Variants in SURF6 observed in about 807,000 individuals in gnomAD.
SURF6 encodes surfeit locus protein 6.
A neutral mutation model predicts 37.5 loss-of-function variants in SURF6; 28 were observed. The ratio of observed to expected loss-of-function variants is 0.75; its 90% CI spans 0.55 to 1.02. The LOEUF is 1.02. Among genes scored for constraint, SURF6 ranks in the 50% least tolerant of loss-of-function variants. The probability of loss-of-function intolerance (pLI) is 0.00; values close to 1 mark genes in which losing one functional copy is unlikely to be tolerated. For synonymous variants in SURF6, 248 were observed against 210.9 expected (o/e 1.18, Z -1.52); for missense variants, 560 against 490.5 (o/e 1.14, Z -1.34).
chr9:133,332,761 C>T lies in SURF6; in HGVS notation c.394-1G>A, dbSNP rs1349569266. ...CAGGGGACAGCTCCTTGGCACTGCC[C>T]TGGGGGAAAGAGGCACCCACTCATT... On this transcript the variant is annotated splice_acceptor_variant, in intron 3 of 4. Coordinates refer to ENST00000372022, the MANE Select transcript of SURF6 (RefSeq NM_006753.6). LOFTEE classifies it high-confidence loss of function. 4 of 1,609,734 alleles carry T rather than the reference C, an allele frequency of 2.5e-6. No homozygotes were observed. The East Asian group carries it at 8.9e-5, about 36-fold the overall frequency.
chr9:133,332,392 G>A (rs2129918156), intron 4 of SURF6, 44 bp from the exon 5 acceptor site: 3 of 1,542,414 alleles, frequency 1.9e-6, no homozygotes, highest in Non-Finnish European at 1.7e-6. Flanking sequence ...CCCTGCACTA[G>A]GCCCCAGCCT....
intron 1 of SURF6, among the ~76,000 whole-genome samples, chr9:133,334,803 G>A (rs192677339): frequency 6.6e-6 from 1 of 152,136 alleles, no homozygotes; most frequent in African/African-American, 2.4e-5. Context: ...CAAAGATGAG[G>A]CTTCAAGGAC....
rs2129916245 is a variant in SURF6, at chr9:133,332,202, G to A, written c.753C>T (p.Asp251=). The A allele has an allele frequency of 3.1e-6, 5 of 1,608,356 alleles. No individual in the cohort carries two copies. Among genetic ancestry groups the A allele is most frequent in the South Asian group, 2.2e-5 (2 of 91,082 alleles). ...TCCCCTCATCCTGGCCGCGCAGCTCGTCCAGCCGGCTCTGCCGTGCCTGCA... is the reference window on the plus strand; with the variant it reads ...TCCCCTCATCCTGGCCGCGCAGCTCATCCAGCCGGCTCTGCCGTGCCTGCA... The part of the protein sequence containing the change: ...ERLQARQSRL[D]ELRGQDEGKA... Residue 251 remains aspartate (D), a synonymous_variant, in exon 5 of 5, where the codon GAC becomes GAT. Transcript: ENST00000372022.
Position 133,332,232 on chromosome 9 carries a change from CT to C in SURF6, c.722del (p.Glu241GlyfsTer28), listed in dbSNP as rs2129916571. ...GCCGGCTCTGCCGTGCCTGCAGGCG[CT>C]CCAGCAGCTGCCGGTAGTTCCTCCC... ...LTGRNYRQLL[E>X]RLQARQSRLD... On this transcript the variant is annotated frameshift_variant, in exon 5 of 5. Coordinates refer to ENST00000372022, the MANE Select transcript of SURF6 (RefSeq NM_006753.6). LOFTEE classifies it high-confidence loss of function. The C allele has an allele frequency of 6.2e-7, 1 of 1,606,060 alleles. No individual in the cohort carries two copies. The highest frequency in any genetic ancestry group is 2.2e-5 in the East Asian group (1 of 44,860).
Position 133,330,699 on chromosome 9 carries a change from T to TA in SURF6, c.*1169dup, listed in dbSNP as rs1413078324. The TA allele has an allele frequency of 6.6e-6, 1 of 151,716 alleles. No homozygotes were observed. The highest frequency in any genetic ancestry group is 1.5e-5 in the Non-Finnish European group (1 of 67,922). 9.4% of individuals were successfully genotyped at this position (151,716 alleles called of 1,614,324 possible). Reference sequence around the variant, plus strand: ...CTGAGTGACAGAGCAAGACTCTATCTAAAAAACAAAAAAAAATAGCTCAAA... The same window carrying TA: ...CTGAGTGACAGAGCAAGACTCTATCTAAAAAAACAAAAAAAAATAGCTCAAA... On this transcript the variant is annotated 3_prime_UTR_variant, in exon 5 of 5. Coordinates refer to ENST00000372022, the MANE Select transcript of SURF6 (RefSeq NM_006753.6).
chr9:133,334,295 G>A, intron 2 of SURF6, 97 bp downstream of exon 2: 1 of 1,184,720 alleles, frequency 8.4e-7, no homozygotes, highest in Non-Finnish European at 1.2e-6. Context: ...CTGTGCGCCT[G>A]CTGCTGCTTT....
intron 3 of SURF6, chr9:133,333,068 G>A (rs1212025827): frequency 7.2e-6 from 3 of 414,718 alleles, no homozygotes; most frequent in East Asian, 1.0e-4. Flanking sequence ...CAAGACCACT[G>A]CCTAGAACTT....
rs144798067 is a variant in SURF6, at chr9:133,332,103, G to A, written c.852C>T (p.Asp284=). 5.0e-6 allele frequency: 8 copies of A among 1,609,598 alleles called. No homozygotes were observed. In the East Asian group the frequency reaches 6.7e-5, roughly 13 times the overall value. ...LYKAEGVKIR[D]DERLLQEALK... is the part of the protein sequence containing the mutation. ...GGGCCTCCTGCAGCAGGCGTTCGTCGTCACGGATCTTCACGCCCTCCGCCT... is the reference window on the plus strand; with the variant it reads ...GGGCCTCCTGCAGCAGGCGTTCGTCATCACGGATCTTCACGCCCTCCGCCT... The change falls in exon 5 of 5, where the codon GAC becomes GAT. Residue 284 remains aspartate (D), a synonymous_variant. Coordinates refer to ENST00000372022, the MANE Select transcript of SURF6 (RefSeq NM_006753.6).
intron 3 of SURF6, 108 bp from the exon 4 acceptor site, chr9:133,332,868 C>T (rs1446107785): frequency 1.1e-5 from 12 of 1,142,070 alleles, no homozygotes; most frequent in Non-Finnish European, 1.4e-5. Context: ...AGAAAATCCT[C>T]ACGCAAACAA....
At position 133,332,662 on chromosome 9, in the gene SURF6, C is replaced by G. The variant is rs2129920335; in HGVS notation, c.492G>C (p.Ala164=). The change falls in exon 4 of 5, where the codon GCG becomes GCC. Residue 164 remains alanine, a synonymous_variant. Transcript: ENST00000372022. ...RKKRKRKELR[A]KEKARKAEEA... The stretch of plus-strand genomic sequence containing the variant: ...CCTCAGCCTTCCTGGCCTTCTCTTT[C>G]GCCCGCAGCTCCTTTCGCTTCCTCT... The G allele has an allele frequency of 6.2e-7, 1 of 1,612,198 alleles. No individual in the cohort carries two copies. Among genetic ancestry groups the G allele is most frequent in the Non-Finnish European group, 8.5e-7 (1 of 1,179,994 alleles).
chr9:133,336,042 G>A lies in SURF6; in HGVS notation c.91C>T (p.Arg31Trp), dbSNP rs199614110. ...HSAPEQQART[R>W]AGKTQGSETA... ...CCGGCCCGGCCCTGTGCGTTACCCC[G>A]CGTGCGCGCCTGCTGTTCCGGGGCC... The change falls in exon 1 of 5, where the codon CGG (arginine) becomes TGG (tryptophan). Residue 31 changes from arginine to tryptophan, a missense_variant. Arg to Trp is a moderately radical substitution (Grantham distance 101). Coordinates refer to ENST00000372022, the MANE Select transcript of SURF6 (RefSeq NM_006753.6). The A allele has an allele frequency of 6.2e-6, 10 of 1,610,838 alleles. No homozygotes were observed. The highest frequency in any genetic ancestry group is 8.5e-6 in the Non-Finnish European group (10 of 1,179,686).
chr9:133,335,639 G>A (rs2129932006), intron 1 of SURF6, among the ~76,000 whole-genome samples: 6 of 151,148 alleles, frequency 4.0e-5, no homozygotes, highest in Non-Finnish European at 7.4e-5. Context: ...ACCGCACCAT[G>A]CCCGTAGTGA....
At chr9:133,333,829 G>C (rs1835808505) in intron 2 of SURF6, 23 bp from the exon 3 acceptor site, 1 of 1,602,524 alleles carries the variant, frequency 6.2e-7, no homozygotes, top group Non-Finnish European at 8.5e-7. Flanking sequence ...AGACAGGACT[G>C]CAGGGGGCCC....
Position 133,331,877 on chromosome 9 carries a change from G to A in SURF6, c.1078C>T (p.Leu360=). ...ILPQDLERAG[L]V ...CCCCAGGTGGGAAAGACTCAGACCA[G>A]GCCTGCGCGCTCCAGGTCCTGCGGC... The change falls in exon 5 of 5, where the codon CTG becomes TTG. Residue 360 remains leucine, a synonymous_variant. Transcript: ENST00000372022. 1 of 1,514,822 alleles carries A rather than the reference G, an allele frequency of 6.6e-7. No homozygotes were observed. The highest frequency in any genetic ancestry group is 8.7e-7 in the Non-Finnish European group (1 of 1,143,360). 93.8% of individuals were successfully genotyped at this position (1,514,822 alleles called of 1,614,324 possible).
chr9:133,334,276 G>T, intron 2 of SURF6, 116 bp downstream of exon 2: 1 of 928,710 alleles, frequency 1.1e-6, no homozygotes, highest in Non-Finnish European at 1.6e-6. Flanking sequence ...GGGAAGTCTC[G>T]TGCTATCCCT....
intron 3 of SURF6, chr9:133,332,989 T>C (rs1272079286): frequency 1.7e-6 from 1 of 590,358 alleles, no homozygotes; most frequent in African/African-American, 1.9e-5. Flanking sequence ...CCCGGGTGCT[T>C]ACCCCGTGCC....
Position 133,336,065 on chromosome 9 carries a change from G to A in SURF6, c.68C>T (p.Ala23Val), listed in dbSNP as rs2129933802. 1.2e-6 allele frequency: 2 copies of A among 1,612,338 alleles called. No individual in the cohort carries two copies. The highest frequency in any genetic ancestry group is 1.7e-6 in the Non-Finnish European group (2 of 1,179,832). Residue 23 changes from alanine to valine, a missense_variant, in exon 1 of 5, where the codon GCC becomes GTC. Coordinates refer to ENST00000372022, the MANE Select transcript of SURF6 (RefSeq NM_006753.6). ...SLAKKICSHS[A>V]PEQQARTRAG... ...CCGCGTGCGCGCCTGCTGTTCCGGG[G>A]CCGAATGGGAGCAGATCTTCTTGGC...
intron 3 of SURF6, among the ~76,000 whole-genome samples, chr9:133,333,296 C>A (rs1835793900): frequency 6.6e-6 from 1 of 152,174 alleles, no homozygotes; most frequent in South Asian, 2.1e-4. Flanking sequence ...TAGCTGGGGA[C>A]TGTCCCCCAC....
At chr9:133,334,665 G>C (rs1201246671) in intron 1 of SURF6, 64 bp from the exon 2 acceptor site, 6 of 1,559,138 alleles carry the variant, frequency 3.8e-6, no homozygotes, top group South Asian at 1.2e-5. Flanking sequence ...GGCAGGAAAG[G>C]CTCACCAAGG....
Sources: allele counts gnomAD v4.1 joint callset (sites outside exome capture counted in the v4.1 genomes callset), GRCh38; gene constraint gnomAD v4.1.1; transcripts MANE v1.5; gene names NCBI Gene and HGNC (gene_info 2026-07-23, HGNC 2026-07-21).